DPYD: variants seen among roughly 807,000 people sequenced by gnomAD.
The protein encoded by DPYD is dihydropyrimidine dehydrogenase [NADP(+)].
A neutral mutation model predicts 116.2 loss-of-function variants in DPYD; 109 were observed. That is an observed-to-expected ratio of 0.94 (90% CI 0.80 to 1.10). DPYD has a LOEUF of 1.10. DPYD is among the 50% of genes least tolerant of loss of function. DPYD has a pLI of 0.00. For synonymous variants in DPYD, 440 were observed against 432.0 expected, an observed-to-expected ratio of 1.02 and a Z score of -0.23; for missense variants, 1,302 against 1,254.5, an observed-to-expected ratio of 1.04 and a Z score of -0.57.
intron 11 of DPYD, among the ~76,000 whole-genome samples, chr1:97,551,566 T>G (rs2102092907): frequency 6.6e-6 from 1 of 152,236 alleles, no homozygotes. Flanking sequence ...AATAAAAAGA[T>G]AAGAAATTCA....
chr1:97,402,839 A>T (rs1010433515), intron 14 of DPYD, among the ~76,000 whole-genome samples: 1 of 152,042 alleles, frequency 6.6e-6, no homozygotes, highest in African/African-American at 2.4e-5. Context: ...AATTTTGTCA[A>T]ATGCTTTATC....
intron 13 of DPYD, among the ~76,000 whole-genome samples, chr1:97,472,424 T>C (rs545364894): frequency 1.3e-5 from 2 of 152,198 alleles, no homozygotes; most frequent in African/African-American, 2.4e-5. Flanking sequence ...TGAGAAAGAG[T>C]CCATACATGG....
At chr1:97,807,389 C>CA (rs1342213825) in intron 3 of DPYD, among the ~76,000 whole-genome samples, 1 of 151,944 alleles carries the variant, frequency 6.6e-6, no homozygotes, top group Non-Finnish European at 1.5e-5. Flanking sequence ...TTTTAATTTG[C>CA]AATTCCCTAA....
At chr1:97,529,482 C>T (rs1247977197) in intron 12 of DPYD, among the ~76,000 whole-genome samples, 1 of 151,808 alleles carries the variant, frequency 6.6e-6, no homozygotes, top group African/African-American at 2.4e-5. Flanking sequence ...CCTTTTTTTC[C>T]ACAGCCTTAT....
At chr1:97,445,052 A>G (rs1375310639) in intron 14 of DPYD, among the ~76,000 whole-genome samples, 1 of 152,102 alleles carries the variant, frequency 6.6e-6, no homozygotes, top group African/African-American at 2.4e-5. Flanking sequence ...CAGTGCCACA[A>G]GGATCCTTTT....
intron 3 of DPYD, among the ~76,000 whole-genome samples, chr1:97,811,690 A>C (rs1356254427): frequency 4.6e-5 from 7 of 152,112 alleles, no homozygotes; most frequent in African/African-American, 1.7e-4. Context: ...AAAATTTAAA[A>C]CTATATTAAA....
At chr1:97,365,926 C>G (rs1284626691) in intron 16 of DPYD, among the ~76,000 whole-genome samples, 1 of 152,118 alleles carries the variant, frequency 6.6e-6, no homozygotes, top group East Asian at 1.9e-4. Flanking sequence ...AGCCACCATG[C>G]CTGGCCTATA....
At chr1:97,918,898 A>G (rs1674361354) in intron 1 of DPYD, among the ~76,000 whole-genome samples, 1 of 152,224 alleles carries the variant, frequency 6.6e-6, no homozygotes, top group African/African-American at 2.4e-5. Flanking sequence ...AATGATCACA[A>G]TCAGATCTCT....
At position 97,192,130 on chromosome 1, in the gene DPYD, A is replaced by G. The variant is rs1295598764; in HGVS notation, c.2622+939T>C. Among the ~76,000 whole-genome samples the G allele has an allele frequency of 2.0e-5, 3 of 151,908 alleles. No individual in the cohort carries two copies. In the East Asian group the frequency reaches 5.8e-4, roughly 29 times the overall value. On this transcript the variant is annotated intron_variant, in intron 20 of 22. Coordinates refer to ENST00000370192, the MANE Select transcript of DPYD (RefSeq NM_000110.4). Reference sequence around the variant, plus strand: ...GAAGAAGGGTTTTTTTTGGCTATCTATTAGGAGAGGGACAGTGATATTTTC... The same window carrying G: ...GAAGAAGGGTTTTTTTTGGCTATCTGTTAGGAGAGGGACAGTGATATTTTC...
intron 1 of DPYD, among the ~76,000 whole-genome samples, chr1:97,914,076 T>C (rs1021551510): frequency 1.3e-5 from 2 of 152,094 alleles, no homozygotes; most frequent in Admixed American, 6.6e-5. Context: ...GGGACACAGA[T>C]TGTCTCTTTA....
intron 21 of DPYD, among the ~76,000 whole-genome samples, chr1:97,097,722 C>T (rs1188294533): frequency 6.6e-6 from 1 of 152,002 alleles, no homozygotes; most frequent in Non-Finnish European, 1.5e-5. Context: ...CCATACATGA[C>T]AAAATTGTAC....
chr1:97,091,523 G>A (rs1416953155), intron 21 of DPYD, among the ~76,000 whole-genome samples: 1 of 152,112 alleles, frequency 6.6e-6, no homozygotes, highest in Non-Finnish European at 1.5e-5. Context: ...TGATTCATGT[G>A]CAGACAGAAA....
At chr1:97,395,573 A>C (rs544201449) in intron 14 of DPYD, among the ~76,000 whole-genome samples, 2 of 152,096 alleles carry the variant, frequency 1.3e-5, no homozygotes, top group Admixed American at 1.3e-4. Flanking sequence ...TACATTAGAG[A>C]TTCTAGTTGA....
At chr1:97,891,660 T>A (rs1672782947) in intron 1 of DPYD, among the ~76,000 whole-genome samples, 1 of 151,852 alleles carries the variant, frequency 6.6e-6, no homozygotes, top group Non-Finnish European at 1.5e-5. Context: ...CCTGTATTGA[T>A]TACAATCACA....
At chr1:97,086,458 A>G (rs2101569028) in intron 21 of DPYD, among the ~76,000 whole-genome samples, 1 of 151,596 alleles carries the variant, frequency 6.6e-6, no homozygotes, top group African/African-American at 2.4e-5. Flanking sequence ...CTGATGTTTC[A>G]TTCTGAATTT....
chr1:97,796,801 A>G (rs1033559164), intron 3 of DPYD: 2 of 152,130 alleles, frequency 1.3e-5, no homozygotes, highest in African/African-American at 4.8e-5. Context: ...TACTGTTATC[A>G]CCTTATATCC....
intron 1 of DPYD, among the ~76,000 whole-genome samples, chr1:97,904,237 A>T (rs1284267446): frequency 1.3e-5 from 2 of 152,068 alleles, no homozygotes; most frequent in Non-Finnish European, 2.9e-5. Flanking sequence ...GATGGAAATC[A>T]AACACATTTA....
intron 8 of DPYD, among the ~76,000 whole-genome samples, chr1:97,609,120 A>C (rs955063882): frequency 5.9e-5 from 9 of 151,986 alleles, no homozygotes; most frequent in African/African-American, 2.2e-4. Flanking sequence ...CTTTCTTTTC[A>C]GTTTCTGAAT....
chr1:97,323,362 G>A (rs1207343222), intron 16 of DPYD, among the ~76,000 whole-genome samples: 2 of 111,450 alleles, frequency 1.8e-5, no homozygotes, highest in African/African-American at 7.1e-5. Context: ...ATATGTACAC[G>A]TATGTATACA....
Sources: allele counts gnomAD v4.1 joint callset (sites outside exome capture counted in the v4.1 genomes callset), GRCh38; gene constraint gnomAD v4.1.1; transcripts MANE v1.5; gene names NCBI Gene and HGNC (gene_info 2026-07-23, HGNC 2026-07-21).